Variants in IQCM observed in about 807,000 individuals in gnomAD.
The protein encoded by IQCM is IQ domain-containing protein M.
In IQCM, 45 loss-of-function variants were observed where a neutral mutation model predicts 57.6. The ratio of observed to expected loss-of-function variants is 0.78; its 90% CI spans 0.62 to 1.00. The LOEUF (loss-of-function observed/expected upper bound fraction) is 1.00. IQCM is among the 50% of genes least tolerant of loss of function. The pLI, the probability that IQCM is intolerant of heterozygous loss-of-function variation, is 0.00. For missense variants in IQCM, 468 were observed against 511.6 expected (o/e 0.91, Z 0.82); for synonymous variants, 148 against 158.9 (o/e 0.93, Z 0.51).
chr4:149,745,174 G>A (rs1197936209), intron 2 of IQCM, among the ~76,000 whole-genome samples: 2 of 152,102 alleles, frequency 1.3e-5, no homozygotes, highest in African/African-American at 2.4e-5. Context: ...AATAGTACAA[G>A]CAAAGGCATG....
chr4:149,593,602 A>G (rs188107521), intron 8 of IQCM, among the ~76,000 whole-genome samples: 1,846 of 152,216 alleles, frequency 0.012, 22 homozygotes, highest in Non-Finnish European at 0.02. Context: ...TTTGTCATAC[A>G]TAGCTCTTAT....
chr4:149,676,977 C>T (rs1284234441), intron 7 of IQCM, among the ~76,000 whole-genome samples: 1 of 151,856 alleles, frequency 6.6e-6, no homozygotes, highest in Non-Finnish European at 1.5e-5. Context: ...GTTCTTGGGG[C>T]CACAAAAAAG....
At chr4:149,793,593 A>G (rs1338851900) in intron 2 of IQCM, 3 of 152,208 alleles carry the variant, frequency 2.0e-5, no homozygotes, top group Non-Finnish European at 1.5e-5. Context: ...CAAATTTGCC[A>G]CAACAAAACT....
chr4:149,729,619 A>G (rs1766279216), intron 5 of IQCM, among the ~76,000 whole-genome samples: 1 of 151,998 alleles, frequency 6.6e-6, no homozygotes, highest in Admixed American at 6.6e-5. Flanking sequence ...GGATTACAGG[A>G]GCGTATCACC....
chr4:149,631,856 C>T (rs1757293962), intron 7 of IQCM, among the ~76,000 whole-genome samples: 1 of 152,104 alleles, frequency 6.6e-6, no homozygotes, highest in Admixed American at 6.5e-5. Flanking sequence ...AGACTGGCCA[C>T]TGAGCTTTGG....
intron 5 of IQCM, among the ~76,000 whole-genome samples, chr4:149,700,398 A>T (rs1351254003): frequency 6.6e-6 from 1 of 151,784 alleles, no homozygotes; most frequent in Non-Finnish European, 1.5e-5. Context: ...TAACTCTATC[A>T]GGTCACCCCC....
At chr4:149,580,871 T>G (rs1026972816) in intron 9 of IQCM, among the ~76,000 whole-genome samples, 3 of 151,760 alleles carry the variant, frequency 2.0e-5, no homozygotes, top group African/African-American at 7.2e-5. Context: ...AAAAGGGTGA[T>G]TCAATAATTG....
intron 13 of IQCM, among the ~76,000 whole-genome samples, chr4:149,374,473 T>A (rs1013922478): frequency 6.6e-6 from 1 of 152,070 alleles, no homozygotes; most frequent in Admixed American, 6.6e-5. Flanking sequence ...CCCATCCCCC[T>A]TTCTCAGTAA....
intron 12 of IQCM, among the ~76,000 whole-genome samples, chr4:149,447,217 A>G (rs1736610733): frequency 6.6e-6 from 1 of 151,632 alleles, no homozygotes; most frequent in Admixed American, 6.6e-5. Context: ...TTGAAAGCAC[A>G]AGCATATTTT....
chr4:149,738,212 T>C (rs537534452), intron 3 of IQCM, among the ~76,000 whole-genome samples: 2 of 152,314 alleles, frequency 1.3e-5, no homozygotes, highest in South Asian at 2.1e-4. Flanking sequence ...ACAAATGTAC[T>C]GCTTTTCCCA....
intron 3 of IQCM, among the ~76,000 whole-genome samples, chr4:149,739,939 G>A (rs1468434898): frequency 6.6e-6 from 1 of 152,146 alleles, no homozygotes; most frequent in African/African-American, 2.4e-5. Context: ...AGTTGCTCCA[G>A]TGAGCCTCTG....
At position 149,433,440 on chromosome 4, in the gene IQCM, C is replaced by T. The variant is rs1735054628; in HGVS notation, c.1346G>A (p.Trp449Ter). Residue 449 changes from tryptophan (W) to a stop codon, truncating the protein, a stop_gained, in exon 13 of 14, where the codon TGG becomes TAG. Transcript: ENST00000636793. LOFTEE classifies it high-confidence loss of function. ...VPDSTLLKST[W>*]LRPIVNGEEG... is the part of the protein sequence containing the mutation. Reference sequence around the variant, plus strand: ...TTCCCCATTTACTATGGGTCTCAACCAAGTCGACTTGAGTAGTGTACTGTC... The same window carrying T: ...TTCCCCATTTACTATGGGTCTCAACTAAGTCGACTTGAGTAGTGTACTGTC... 1 of 1,227,124 alleles carries T rather than the reference C, an allele frequency of 8.1e-7. No homozygotes were observed. The highest frequency in any genetic ancestry group is 4.1e-5 in the South Asian group (1 of 24,232). 76.0% of individuals were successfully genotyped at this position (1,227,124 alleles called of 1,614,324 possible).
At chr4:149,510,303 A>G (rs1310310772) in intron 12 of IQCM, among the ~76,000 whole-genome samples, 1 of 151,980 alleles carries the variant, frequency 6.6e-6, no homozygotes, top group East Asian at 1.9e-4. Flanking sequence ...AAATTGGCCT[A>G]TTTTTCTAGT....
At chr4:149,442,129 T>A (rs1736004495) in intron 12 of IQCM, among the ~76,000 whole-genome samples, 1 of 152,166 alleles carries the variant, frequency 6.6e-6, no homozygotes, top group Admixed American at 6.6e-5. Flanking sequence ...TGCTGCTTGA[T>A]AACTAATGAG....
At chr4:149,664,043 C>G (rs1013242458) in intron 7 of IQCM, among the ~76,000 whole-genome samples, 6 of 151,986 alleles carry the variant, frequency 3.9e-5, no homozygotes, top group African/African-American at 9.7e-5. Flanking sequence ...ATTTTGAAAG[C>G]AAGTTTATAA....
At chr4:149,663,737 T>G (rs1239321832) in intron 7 of IQCM, among the ~76,000 whole-genome samples, 1 of 152,130 alleles carries the variant, frequency 6.6e-6, no homozygotes, top group Non-Finnish European at 1.5e-5. Flanking sequence ...AACTTGATGT[T>G]TCTCTCATGC....
chr4:149,444,121 G>A (rs570128215), intron 12 of IQCM, among the ~76,000 whole-genome samples: 3 of 141,804 alleles, frequency 2.1e-5, no homozygotes, highest in African/African-American at 4.9e-5. Context: ...TAGAGGTTTC[G>A]CTATCAATTC....
At chr4:149,530,795 A>ACCC (rs1169417035) in intron 12 of IQCM, among the ~76,000 whole-genome samples, 3 of 26,244 alleles carry the variant, frequency 1.1e-4, no homozygotes, top group African/African-American at 1.5e-4. Flanking sequence ...AGACACCCCC[A>ACCC]CCCCCCCACC....
chr4:149,765,792 TTTGAG>T, intron 2 of IQCM, among the ~76,000 whole-genome samples: 1 of 152,158 alleles, frequency 6.6e-6, no homozygotes, highest in East Asian at 1.9e-4. Flanking sequence ...TATCTTGGTC[TTTGAG>T]TTATTTTTCA....
Sources: gnomAD v4.1 joint callset for allele counts (sites outside exome capture counted in the v4.1 genomes callset) on GRCh38, gnomAD v4.1.1 for gene constraint, MANE v1.5 for transcripts, NCBI Gene and HGNC (gene_info 2026-07-23, HGNC 2026-07-21) for gene names.